The following GPR26 variants were observed in gnomAD, a reference collection of about 807,000 sequenced individuals.
GPR26 encodes the protein G protein-coupled receptor 26.
Under a neutral mutation model 23.1 loss-of-function variants are expected in GPR26, and 15 were observed. The ratio of observed to expected loss-of-function variants is 0.65; its 90% CI spans 0.43 to 1.00. The LOEUF is 1.00. Among genes scored for constraint, GPR26 ranks in the 50% least tolerant of loss-of-function variants. The pLI, the probability that GPR26 is intolerant of heterozygous loss-of-function variation, is 0.00. For missense variants in GPR26, 359 were observed against 470.5 expected (o/e 0.76, Z 2.19); for synonymous variants, 228 against 222.1 (o/e 1.03, Z -0.24).
chr10:123,686,768 C>A (rs570734824), intron 2 of GPR26, among the ~76,000 whole-genome samples: 22 of 152,320 alleles, frequency 1.4e-4, no homozygotes, highest in Non-Finnish European at 1.8e-4. Context: ...AGGTACTAGA[C>A]CCCCAGTCAG....
At chr10:123,680,835 G>GT (rs1845365633) in intron 2 of GPR26, among the ~76,000 whole-genome samples, 1 of 134,564 alleles carries the variant, frequency 7.4e-6, no homozygotes, top group Non-Finnish European at 1.6e-5. Context: ...TTTGGGGGGG[G>GT]GGGTTGTTTT....
At chr10:123,672,548 G>A (rs1287123826) in intron 1 of GPR26, among the ~76,000 whole-genome samples, 1 of 152,164 alleles carries the variant, frequency 6.6e-6, no homozygotes, top group Non-Finnish European at 1.5e-5. Context: ...CCTGACTCTT[G>A]GTTCACTCTT....
chr10:123,679,394 G>A (rs983894143), intron 2 of GPR26, among the ~76,000 whole-genome samples: 3 of 152,144 alleles, frequency 2.0e-5, no homozygotes, highest in Non-Finnish European at 2.9e-5. Context: ...TTTTTTCTTC[G>A]GTTTACCAAC....
intron 2 of GPR26, among the ~76,000 whole-genome samples, chr10:123,681,368 G>A (rs1297711119): frequency 2.0e-5 from 3 of 152,182 alleles, no homozygotes; most frequent in Non-Finnish European, 4.4e-5. Context: ...ACTCAGAAAC[G>A]GAATGCTGCA....
chr10:123,675,853 T>C (rs1045222901), intron 2 of GPR26, among the ~76,000 whole-genome samples: 1 of 148,272 alleles, frequency 6.7e-6, no homozygotes, highest in Non-Finnish European at 1.5e-5. Flanking sequence ...TGTGTGTGTG[T>C]GTAAGAGAGA....
intron 1 of GPR26, among the ~76,000 whole-genome samples, chr10:123,668,386 C>A (rs191049533): frequency 2.3e-4 from 35 of 152,310 alleles, no homozygotes; most frequent in African/African-American, 7.9e-4. Flanking sequence ...GCCACAGAAT[C>A]CCCACAGATT....
chr10:123,666,816 T>C lies in GPR26; in HGVS notation c.409T>C (p.Phe137Leu). 1 of 1,608,770 alleles carries C rather than the reference T, an allele frequency of 6.2e-7. No homozygotes were observed. The highest frequency in any genetic ancestry group is 8.5e-7 in the Non-Finnish European group (1 of 1,178,180). The change falls in exon 1 of 3, where the codon TTC (phenylalanine) becomes CTC (leucine). Residue 137 changes from phenylalanine (F) to leucine (L), a missense_variant. Coordinates refer to ENST00000284674, the MANE Select transcript of GPR26 (RefSeq NM_153442.4). ...VAYTWLHALT[F>L]PAAALALSWL... ...CTACACGTGGCTGCACGCGCTCACC[T>C]TCCCAGCCGCCGCGCTCGCCCTGTC...
Position 123,666,751 on chromosome 10 carries a change from G to C in GPR26, c.344G>C (p.Arg115Pro). Residue 115 changes from arginine to proline, a missense_variant, in exon 1 of 3, where the codon CGG becomes CCG. Physicochemically the swap from Arg to Pro is moderately radical, Grantham distance 103. Coordinates refer to ENST00000284674, the MANE Select transcript of GPR26 (RefSeq NM_153442.4). ...WVAVVFPLSYRAKMRLRDAAL... is the reference protein window; with the variant it reads ...WVAVVFPLSYPAKMRLRDAAL... ...GCCGTGGTCTTCCCGCTGAGCTACC[G>C]GGCCAAGATGCGCCTCCGCGACGCG... 1.9e-6 allele frequency: 3 copies of C among 1,599,876 alleles called. No individual in the cohort carries two copies. The highest frequency in any genetic ancestry group is 1.1e-5 in the South Asian group (1 of 89,936).
At chr10:123,681,260 G>A (rs905252025) in intron 2 of GPR26, among the ~76,000 whole-genome samples, 2 of 152,138 alleles carry the variant, frequency 1.3e-5, no homozygotes, top group African/African-American at 4.8e-5. Flanking sequence ...GCCGTGCCCA[G>A]CCCCTCACAA....
chr10:123,691,519 T>C lies in GPR26; in HGVS notation c.*3359T>C, dbSNP rs1008356309. The C allele has an allele frequency of 6.6e-6, 1 of 152,188 alleles. No individual in the cohort carries two copies. The allele number at this position is 152,188 out of a possible 1,614,324, so 9.4% of individuals were successfully genotyped here. On this transcript the variant is annotated 3_prime_UTR_variant, in exon 3 of 3. Transcript: ENST00000284674. The stretch of plus-strand genomic sequence containing the variant: ...GGTGCAGGTAGATGAGGCCTTCCCA[T>C]GGCTACAGTGTGACCCTTGGAGGAA...
chr10:123,670,176 A>G (rs1406634194), intron 1 of GPR26, among the ~76,000 whole-genome samples: 1 of 152,186 alleles, frequency 6.6e-6, no homozygotes, highest in Non-Finnish European at 1.5e-5. Context: ...TGGTTCCCCC[A>G]GTGTGTCCTC....
intron 2 of GPR26, among the ~76,000 whole-genome samples, chr10:123,685,996 C>T (rs950802210): frequency 6.6e-6 from 1 of 152,196 alleles, no homozygotes; most frequent in African/African-American, 2.4e-5. Flanking sequence ...TGAGACTTGC[C>T]ATGAAATCTC....
Position 123,688,286 on chromosome 10 carries a change from C to A in GPR26, c.*126C>A. 1.5e-6 allele frequency: 1 copy of A among 672,750 alleles called. No homozygotes were observed. Among genetic ancestry groups the A allele is most frequent in the Non-Finnish European group, 2.6e-6 (1 of 384,358 alleles). 41.7% of individuals were successfully genotyped at this position (672,750 alleles called of 1,614,324 possible). A position where few individuals can be genotyped will look rare whatever the true frequency, so the allele number is the denominator to read the frequency against. On this transcript the variant is annotated 3_prime_UTR_variant, in exon 3 of 3. Coordinates refer to ENST00000284674, the MANE Select transcript of GPR26 (RefSeq NM_153442.4). ...CTGGCATGCCCAGTGATCCTGGTTC[C>A]CTGGCTTGTAGGGGCTCCAGAGCCT...
intron 2 of GPR26, among the ~76,000 whole-genome samples, chr10:123,680,390 G>A (rs890579386): frequency 6.6e-6 from 1 of 152,172 alleles, no homozygotes; most frequent in Non-Finnish European, 1.5e-5. Context: ...GATGGACTGG[G>A]TGAGCTATGT....
At position 123,673,988 on chromosome 10, in the gene GPR26, G is replaced by A. The variant is rs568446349; in HGVS notation, c.669-830G>A. 2.6e-4 allele frequency among the ~76,000 whole-genome samples: 38 copies of A among 148,440 alleles called. 1 individual carries two copies. In the South Asian group the frequency reaches 5.6e-3, roughly 22 times the overall value. ...GTTGTCGTTGTTGAGACAAAGTTTC[G>A]CTTTTCTTGCCCAGGCTGAAGGGCA... On this transcript the variant is annotated intron_variant, in intron 1 of 2. Transcript: ENST00000284674.
rs1845494273 is a variant in GPR26 at position 123,691,927 on chromosome 10, G to A, written c.*3767G>A. The A allele has an allele frequency of 6.6e-6, 1 of 152,108 alleles. No individual in the cohort carries two copies. Among genetic ancestry groups the A allele is most frequent in the South Asian group, 2.1e-4 (1 of 4,816 alleles). 9.4% of individuals were successfully genotyped at this position (152,108 alleles called of 1,614,324 possible). ...AAGGAGAAATGATCTTAGACACTTG[G>A]ATAAACTCTATAGAAAATTGAGTGT... On this transcript the variant is annotated 3_prime_UTR_variant, in exon 3 of 3. Coordinates refer to ENST00000284674, the MANE Select transcript of GPR26 (RefSeq NM_153442.4).
chr10:123,686,163 C>T (rs1254083490), intron 2 of GPR26, among the ~76,000 whole-genome samples: 1 of 152,160 alleles, frequency 6.6e-6, no homozygotes, highest in East Asian at 1.9e-4. Flanking sequence ...TTCAATAAAT[C>T]CTTTTGGGAG....
At chr10:123,687,604 A>G (rs1845442342) in intron 2 of GPR26, among the ~76,000 whole-genome samples, 1 of 152,166 alleles carries the variant, frequency 6.6e-6, no homozygotes, top group Non-Finnish European at 1.5e-5. Flanking sequence ...ATTACTGGCC[A>G]TGTGACCTTG....
chr10:123,680,982 G>A (rs553875637), intron 2 of GPR26, among the ~76,000 whole-genome samples: 1 of 152,072 alleles, frequency 6.6e-6, no homozygotes. Flanking sequence ...TGGGACTGCA[G>A]GTGCGCACCA....
Sources: allele counts gnomAD v4.1 joint callset (sites outside exome capture counted in the v4.1 genomes callset), GRCh38; gene constraint gnomAD v4.1.1; transcripts MANE v1.5; gene names NCBI Gene and HGNC (gene_info 2026-07-23, HGNC 2026-07-21).